LRRC7: variants seen among roughly 807,000 people sequenced by gnomAD.
LRRC7 encodes leucine rich repeat containing 7.
LRRC7 carries 23 observed loss-of-function variants against 175.7 expected under a neutral mutation model. The observed-to-expected ratio is 0.13, with a 90% CI of 0.09 to 0.19. LRRC7 has a LOEUF of 0.19. Among genes scored for constraint, LRRC7 ranks in the 10% least tolerant of loss-of-function variants. The pLI is 1.00. For missense variants in LRRC7, 1,354 were observed against 1,904.7 expected, an observed-to-expected ratio of 0.71 and a Z score of 5.38; for synonymous variants, 685 against 680.9, an observed-to-expected ratio of 1.01 and a Z score of -0.09.
Position 70,135,342 on chromosome 1 carries a change from C to T in LRRC7, c.*13455C>T, listed in dbSNP as rs185110822. 2.5e-4 allele frequency among the ~76,000 whole-genome samples: 38 copies of T among 152,218 alleles called. No individual in the cohort carries two copies. The South Asian group carries it at 4.6e-3, about 18-fold the overall frequency. Reference sequence around the variant, plus strand: ...TTCTTTTCACTTTTTTACCCATCTCCGTGCCATACTGTAGAACAAACATCA... The same window carrying T: ...TTCTTTTCACTTTTTTACCCATCTCTGTGCCATACTGTAGAACAAACATCA... On this transcript the variant is annotated 3_prime_UTR_variant, in exon 27 of 27. Coordinates refer to ENST00000651989, the MANE Select transcript of LRRC7 (RefSeq NM_001370785.2).
rs991354872 is a variant in LRRC7, at chr1:69,567,935, C to A, written c.-705C>A. ...GCCTCCTCGCCTGCCAATCCTGGCA[C>A]CTGTGCGCCGAGCCACTGCACCGAG... On this transcript the variant is annotated 5_prime_UTR_variant, in exon 1 of 27. Coordinates refer to ENST00000651989, the MANE Select transcript of LRRC7 (RefSeq NM_001370785.2). Among the ~76,000 whole-genome samples the A allele has an allele frequency of 6.6e-6, 1 of 151,944 alleles. No individual in the cohort carries two copies. The highest frequency in any genetic ancestry group is 1.5e-5 in the Non-Finnish European group (1 of 67,974).
rs149628941 is a variant in LRRC7 at position 69,976,698 on chromosome 1, T to C, written c.712-3681T>C. Among the ~76,000 whole-genome samples the C allele has an allele frequency of 3.3e-3, 496 of 152,288 alleles. 2 individuals are homozygous for C. The highest frequency in any genetic ancestry group is 0.011 in the African/African-American group (470 of 41,566). ...CTTTTTCCTAACACAACTCTATTCA[T>C]TGGACTCTAGTCACCCTTACACTTC... On this transcript the variant is annotated intron_variant, in intron 8 of 26. Coordinates refer to ENST00000651989, the MANE Select transcript of LRRC7 (RefSeq NM_001370785.2).
chr1:69,637,327 GTAT>G (rs1306796536), intron 1 of LRRC7, among the ~76,000 whole-genome samples: 13 of 151,862 alleles, frequency 8.6e-5, no homozygotes, highest in Non-Finnish European at 1.2e-4. Context: ...TCCATAAAAA[GTAT>G]TATTGTCTTT....
At chr1:69,734,836 A>G (rs1667940355) in intron 2 of LRRC7, among the ~76,000 whole-genome samples, 1 of 151,940 alleles carries the variant, frequency 6.6e-6, no homozygotes, top group Non-Finnish European at 1.5e-5. Flanking sequence ...TTAGTGGACT[A>G]TAGACAAAAT....
chr1:69,866,224 T>C (rs1684933864), intron 7 of LRRC7, among the ~76,000 whole-genome samples: 1 of 152,176 alleles, frequency 6.6e-6, no homozygotes, highest in South Asian at 2.1e-4. Context: ...CAATAATAGA[T>C]GGTGAAAGTG....
At chr1:69,580,473 A>G (rs1487078442) in intron 1 of LRRC7, among the ~76,000 whole-genome samples, 1 of 152,196 alleles carries the variant, frequency 6.6e-6, no homozygotes, top group Non-Finnish European at 1.5e-5. Context: ...ATATTTTAAT[A>G]CACCAGAAGT....
intron 7 of LRRC7, among the ~76,000 whole-genome samples, chr1:69,881,891 A>G (rs1557845827): frequency 2.0e-5 from 3 of 151,648 alleles, no homozygotes; most frequent in African/African-American, 7.3e-5. Flanking sequence ...AGATTAAAAA[A>G]AAAAAAAAAA....
intron 2 of LRRC7, among the ~76,000 whole-genome samples, chr1:69,758,814 A>C (rs1670718656): frequency 6.6e-6 from 1 of 151,990 alleles, no homozygotes; most frequent in African/African-American, 2.4e-5. Context: ...TCCAAATTTG[A>C]CTTAACATGA....
intron 1 of LRRC7, among the ~76,000 whole-genome samples, chr1:69,663,657 A>G (rs1657813110): frequency 6.7e-6 from 1 of 150,232 alleles, no homozygotes; most frequent in Non-Finnish European, 1.5e-5. Context: ...AGTCTCTGGT[A>G]ACCATCGTCC....
intron 7 of LRRC7, among the ~76,000 whole-genome samples, chr1:69,915,627 A>AT (rs541988074): frequency 6.6e-6 from 1 of 152,046 alleles, no homozygotes; most frequent in South Asian, 2.1e-4. Context: ...GAAGCGTAAC[A>AT]TTTTTTTCAA....
At chr1:69,580,273 A>G (rs914235856) in intron 1 of LRRC7, among the ~76,000 whole-genome samples, 3 of 152,184 alleles carry the variant, frequency 2.0e-5, no homozygotes, top group Admixed American at 6.6e-5. Flanking sequence ...AGAAATAAGT[A>G]TGCTACTAAT....
At chr1:70,041,586 G>C (rs1379770346) in intron 21 of LRRC7, among the ~76,000 whole-genome samples, 1 of 152,186 alleles carries the variant, frequency 6.6e-6, no homozygotes, top group Non-Finnish European at 1.5e-5. Flanking sequence ...GTACAGTTTG[G>C]GAACTCTGGC....
intron 2 of LRRC7, among the ~76,000 whole-genome samples, chr1:69,682,432 TC>T (rs1660605039): frequency 6.6e-6 from 1 of 152,152 alleles, no homozygotes; most frequent in Non-Finnish European, 1.5e-5. Flanking sequence ...AGTCAACCTA[TC>T]ATTTGCTAAT....
chr1:69,892,446 G>A (rs145357455), intron 7 of LRRC7, among the ~76,000 whole-genome samples: 6 of 152,298 alleles, frequency 3.9e-5, no homozygotes, highest in Admixed American at 2.0e-4. Flanking sequence ...GCAACACCAC[G>A]CAGATAAATC....
intron 4 of LRRC7, among the ~76,000 whole-genome samples, chr1:69,818,541 T>C (rs1160993204): frequency 6.6e-6 from 1 of 152,102 alleles, no homozygotes; most frequent in African/African-American, 2.4e-5. Flanking sequence ...TTTTTGCACA[T>C]ATGTTCATCA....
At chr1:69,974,042 A>G (rs916696196) in intron 8 of LRRC7, among the ~76,000 whole-genome samples, 5 of 152,198 alleles carry the variant, frequency 3.3e-5, no homozygotes, top group African/African-American at 9.6e-5. Context: ...CCATATTTCT[A>G]TTTTGAAATG....
chr1:70,035,935 T>C (rs1173315831), intron 18 of LRRC7, among the ~76,000 whole-genome samples, 186 bp from the exon 19 acceptor site: 1 of 145,600 alleles, frequency 6.9e-6, no homozygotes, highest in Non-Finnish European at 1.5e-5. Context: ...TGGACTCACT[T>C]ACATTAGAAA....
chr1:70,037,268 T>C (rs979013947), intron 20 of LRRC7, among the ~76,000 whole-genome samples: 8 of 152,228 alleles, frequency 5.3e-5, no homozygotes, highest in African/African-American at 1.9e-4. Context: ...AGGTAGTCAA[T>C]AACTTTTACT....
intron 2 of LRRC7, among the ~76,000 whole-genome samples, chr1:69,739,951 A>T (rs969148002): frequency 6.6e-6 from 1 of 152,120 alleles, no homozygotes; most frequent in African/African-American, 2.4e-5. Flanking sequence ...ACCTGGTTTT[A>T]TAACTATCCA....
Sources: gnomAD v4.1 joint callset for allele counts (sites outside exome capture counted in the v4.1 genomes callset) on GRCh38, gnomAD v4.1.1 for gene constraint, MANE v1.5 for transcripts, NCBI Gene and HGNC (gene_info 2026-07-23, HGNC 2026-07-21) for gene names.